SEMA3A: variants seen among roughly 807,000 people sequenced by gnomAD.
SEMA3A encodes the protein semaphorin-3A.
A neutral mutation model predicts 97.9 loss-of-function variants in SEMA3A; 29 were observed. That is an observed-to-expected ratio of 0.30 (90% CI 0.22 to 0.40). The LOEUF (loss-of-function observed/expected upper bound fraction) is 0.40. SEMA3A is among the 10% of genes least tolerant of loss of function. SEMA3A has a pLI of 1.00. For synonymous variants in SEMA3A, 321 were observed against 323.7 expected (o/e 0.99, Z 0.09); for missense variants, 763 against 951.3 (o/e 0.80, Z 2.60).
intron 1 of SEMA3A, among the ~76,000 whole-genome samples, chr7:84,477,824 G>A (rs1288300675): frequency 6.6e-6 from 1 of 152,174 alleles, no homozygotes; most frequent in African/African-American, 2.4e-5. Context: ...CATACGACCT[G>A]CATGCAATTT....
At chr7:84,102,426 A>G (rs1452429273) in intron 4 of SEMA3A, among the ~76,000 whole-genome samples, 4 of 152,118 alleles carry the variant, frequency 2.6e-5, no homozygotes, top group Non-Finnish European at 4.4e-5. Flanking sequence ...ACTGGATGAG[A>G]CATTAATCCA....
At chr7:84,268,317 C>T (rs1800062357) in intron 3 of SEMA3A, among the ~76,000 whole-genome samples, 1 of 148,538 alleles carries the variant, frequency 6.7e-6, no homozygotes, top group East Asian at 2.0e-4. Flanking sequence ...AGAGAGAGAA[C>T]TCTGACTTTT....
intron 3 of SEMA3A, among the ~76,000 whole-genome samples, chr7:84,118,356 T>C (rs531899947): frequency 1.3e-5 from 2 of 152,330 alleles, no homozygotes; most frequent in African/African-American, 4.8e-5. Flanking sequence ...GGCAGAATTG[T>C]ATTGTGCCAA....
At chr7:84,303,167 G>A (rs1005143369) in intron 3 of SEMA3A, among the ~76,000 whole-genome samples, 7 of 152,214 alleles carry the variant, frequency 4.6e-5, no homozygotes, top group Middle Eastern at 3.4e-3. Context: ...AGGCATGTAT[G>A]CCAGATTCTC....
intron 1 of SEMA3A, among the ~76,000 whole-genome samples, chr7:84,459,993 T>C (rs2527539): frequency 0.35 from 53,110 of 151,828 alleles, 11,284 homozygotes; most frequent in East Asian, 0.91. Flanking sequence ...CATCACTGCA[T>C]TGCAGCGGAG....
At chr7:84,055,001 C>T (rs1337400011) in intron 5 of SEMA3A, among the ~76,000 whole-genome samples, 1 of 150,132 alleles carries the variant, frequency 6.7e-6, no homozygotes, top group East Asian at 2.0e-4. Flanking sequence ...GGGGTGCCTC[C>T]CAGTTAGGCT....
At chr7:84,419,644 G>C (rs1297421430) in intron 1 of SEMA3A, among the ~76,000 whole-genome samples, 1 of 152,116 alleles carries the variant, frequency 6.6e-6, no homozygotes, top group Non-Finnish European at 1.5e-5. Flanking sequence ...TATGTACACT[G>C]GAGGATTTAG....
chr7:84,014,780 G>A (rs1438766974), intron 6 of SEMA3A, among the ~76,000 whole-genome samples: 1 of 151,954 alleles, frequency 6.6e-6, no homozygotes, highest in Non-Finnish European at 1.5e-5. Flanking sequence ...GGTGGGCAGG[G>A]AAAAGTGAAA....
chr7:84,231,762 AAG>A (rs35795054), intron 3 of SEMA3A, among the ~76,000 whole-genome samples: 53,163 of 151,438 alleles, frequency 0.35, 10,267 homozygotes, highest in Non-Finnish European at 0.45. Context: ...TTTACTAAGC[AAG>A]AGTGTGTTTT....
At chr7:84,193,920 A>G (rs1157200826) in intron 1 of SEMA3A, among the ~76,000 whole-genome samples, 2 of 152,144 alleles carry the variant, frequency 1.3e-5, no homozygotes, top group Non-Finnish European at 1.5e-5. Context: ...TACAATCATA[A>G]GGCACTGTGG....
chr7:84,366,198 TTA>T (rs949707171), intron 2 of SEMA3A, among the ~76,000 whole-genome samples: 8 of 151,496 alleles, frequency 5.3e-5, no homozygotes, highest in African/African-American at 1.4e-4. Context: ...TGATTTAATT[TTA>T]TGTTAGCCAA....
chr7:84,418,646 C>A (rs940094689), intron 1 of SEMA3A, among the ~76,000 whole-genome samples: 1 of 151,994 alleles, frequency 6.6e-6, no homozygotes, highest in Non-Finnish European at 1.5e-5. Context: ...TCTCCTCCTG[C>A]CCTTGGACAT....
chr7:84,206,265 A>T (rs1228371980), intron 3 of SEMA3A, among the ~76,000 whole-genome samples: 1 of 152,114 alleles, frequency 6.6e-6, no homozygotes, highest in Non-Finnish European at 1.5e-5. Context: ...AAAATAAGCC[A>T]ATTTTACTCT....
chr7:84,186,784 C>T (rs1488353870), intron 1 of SEMA3A, among the ~76,000 whole-genome samples: 3 of 151,414 alleles, frequency 2.0e-5, no homozygotes, highest in Non-Finnish European at 4.4e-5. Flanking sequence ...TTCCAACGAA[C>T]ATTGTAAGTT....
At chr7:83,977,601 T>A (rs185802336) in intron 14 of SEMA3A, among the ~76,000 whole-genome samples, 22 of 151,872 alleles carry the variant, frequency 1.4e-4, no homozygotes, top group Admixed American at 1.4e-3. Context: ...TAAATTAAAC[T>A]TTTTTTCTGA....
Position 84,381,925 on chromosome 7 carries a change from A to G in SEMA3A, c.-245-10025T>C, listed in dbSNP as rs1803271488. Among the ~76,000 whole-genome samples, 3 of 152,108 alleles carry G rather than the reference A, an allele frequency of 2.0e-5. No individual in the cohort carries two copies. The South Asian group carries it at 6.2e-4, about 32-fold the overall frequency. On this transcript the variant is annotated intron_variant, in intron 1 of 3. Coordinates refer to the SEMA3A transcript ENST00000424555. ...TTGAGGACTTACTTGATATTTTTAA[A>G]CATTTACTTAAGTATGCATGTAAAA...
chr7:84,395,832 A>G (rs1803717470), intron 1 of SEMA3A, among the ~76,000 whole-genome samples: 1 of 152,084 alleles, frequency 6.6e-6, no homozygotes, highest in Non-Finnish European at 1.5e-5. Flanking sequence ...TCTTTTCTTT[A>G]TATGTTACCC....
intron 4 of SEMA3A, among the ~76,000 whole-genome samples, chr7:84,082,360 C>T (rs1204625531): frequency 6.6e-6 from 1 of 151,918 alleles, no homozygotes; most frequent in Non-Finnish European, 1.5e-5. Context: ...AGTGGAAAGT[C>T]GAAAGAACTT....
intron 4 of SEMA3A, among the ~76,000 whole-genome samples, chr7:84,062,322 T>C (rs1793253606): frequency 6.6e-6 from 1 of 152,168 alleles, no homozygotes; most frequent in African/African-American, 2.4e-5. Flanking sequence ...TAAAATTATA[T>C]GAAAAGACAT....
Sources: allele counts gnomAD v4.1 joint callset (sites outside exome capture counted in the v4.1 genomes callset), GRCh38; gene constraint gnomAD v4.1.1; transcripts MANE v1.5; gene names NCBI Gene and HGNC (gene_info 2026-07-23, HGNC 2026-07-21).